IFT88: variants seen among roughly 807,000 people sequenced by gnomAD.
The protein encoded by IFT88 is intraflagellar transport protein 88 homolog.
A neutral mutation model predicts 119.5 loss-of-function variants in IFT88; 74 were observed. The observed-to-expected ratio is 0.62, with a 90% CI of 0.51 to 0.75. The LOEUF is 0.75. Among genes scored for constraint, IFT88 ranks in the 30% least tolerant of loss-of-function variants. The probability of loss-of-function intolerance (pLI) is 0.00; values close to 1 mark genes in which losing one functional copy is unlikely to be tolerated. For synonymous variants in IFT88, 279 were observed against 316.7 expected (o/e 0.88, Z 1.26); for missense variants, 961 against 977.7 (o/e 0.98, Z 0.23).
chr13:20,673,404 A>C (rs79467255), intron 24 of IFT88, among the ~76,000 whole-genome samples: 1,935 of 152,276 alleles, frequency 0.013, 41 homozygotes, highest in African/African-American at 0.045. Context: ...CCCAGGGGAC[A>C]GTGTCTGGGG....
intron 22 of IFT88, among the ~76,000 whole-genome samples, chr13:20,660,483 C>G (rs2053610379): frequency 6.6e-6 from 1 of 152,220 alleles, no homozygotes; most frequent in African/African-American, 2.4e-5. Flanking sequence ...TTAACTCAAG[C>G]TTCTGTACCT....
intron 17 of IFT88, among the ~76,000 whole-genome samples, chr13:20,640,563 T>C (rs2049751928): frequency 7.4e-6 from 1 of 134,782 alleles, no homozygotes; most frequent in Non-Finnish European, 1.6e-5. Context: ...ACAGAGCGAC[T>C]CCGTCTCAAA....
chr13:20,687,345 G>T (rs1182426548), intron 24 of IFT88, among the ~76,000 whole-genome samples: 1 of 152,156 alleles, frequency 6.6e-6, no homozygotes, highest in Non-Finnish European at 1.5e-5. Context: ...GAGCCAAACT[G>T]CTGAGCTTGG....
intron 13 of IFT88, among the ~76,000 whole-genome samples, chr13:20,606,943 G>C (rs911423553): frequency 6.6e-6 from 1 of 152,136 alleles, no homozygotes; most frequent in Non-Finnish European, 1.5e-5. Flanking sequence ...TAAGGACATT[G>C]AATGATGCTT....
intron 14 of IFT88, among the ~76,000 whole-genome samples, chr13:20,621,776 G>A (rs937597707): frequency 7.2e-5 from 11 of 152,000 alleles, no homozygotes; most frequent in African/African-American, 2.7e-4. Flanking sequence ...GTTTATGTTA[G>A]GATTCTTTGT....
In IFT88 at chr13:20,571,079, C is replaced by T. The variant is rs576056462; in HGVS notation, c.-6-3301C>T. On this transcript the variant is annotated intron_variant, in intron 1 of 25. Coordinates refer to ENST00000351808, the MANE Select transcript of IFT88 (RefSeq NM_006531.5). ...CACAATCTCGGCCCACTGCAACCTCCGCCTCCCAGGTTCAGGCCATTCTCC... is the reference window on the plus strand; with the variant it reads ...CACAATCTCGGCCCACTGCAACCTCTGCCTCCCAGGTTCAGGCCATTCTCC... Among the ~76,000 whole-genome samples, 30 of 152,206 alleles carry T rather than the reference C, an allele frequency of 2.0e-4. No individual in the cohort carries two copies. The East Asian group carries it at 4.3e-3, about 22-fold the overall frequency.
intron 13 of IFT88, among the ~76,000 whole-genome samples, chr13:20,611,514 C>CAAAAAAAA (rs56062553): frequency 3.4e-5 from 2 of 59,074 alleles, no homozygotes; most frequent in Non-Finnish European, 5.8e-5. Context: ...GACCCAGTCT[C>CAAAAAAAA]AAAAAAAAAA....
intron 3 of IFT88, among the ~76,000 whole-genome samples, chr13:20,584,591 G>GT (rs897398922): frequency 2.0e-5 from 3 of 151,966 alleles, no homozygotes; most frequent in African/African-American, 4.8e-5. Flanking sequence ...TGCTAGAGTA[G>GT]TTTTTTTCAG....
At chr13:20,607,875 C>T in intron 13 of IFT88, 1 of 712,914 alleles carries the variant, frequency 1.4e-6, no homozygotes, top group South Asian at 1.4e-5. Flanking sequence ...ACCCAGTCAC[C>T]AGCACCAATG....
intron 15 of IFT88, among the ~76,000 whole-genome samples, chr13:20,628,993 A>G (rs542218001): frequency 2.0e-5 from 3 of 151,598 alleles, no homozygotes; most frequent in Non-Finnish European, 4.4e-5. Flanking sequence ...GGACTATAAC[A>G]CTCCTTTTTT....
chr13:20,636,915 G>A (rs778662690), intron 16 of IFT88, among the ~76,000 whole-genome samples: 3 of 152,164 alleles, frequency 2.0e-5, no homozygotes, highest in Non-Finnish European at 4.4e-5. Flanking sequence ...AACAATGAAT[G>A]GATAAATGAA....
chr13:20,576,123 A>T (rs2037338947), intron 2 of IFT88, among the ~76,000 whole-genome samples: 2 of 152,358 alleles, frequency 1.3e-5, no homozygotes, highest in Non-Finnish European at 2.9e-5. Context: ...ATGGTCAATA[A>T]TGTTGAGCAC....
chr13:20,599,436 A>T lies in IFT88; in HGVS notation c.698-15A>T. 4 of 954,432 alleles carry T rather than the reference A, an allele frequency of 4.2e-6. No individual in the cohort carries two copies. The highest frequency in any genetic ancestry group is 1.5e-5 in the South Asian group (1 of 65,820). The allele number at this position is 954,432 out of a possible 1,614,324, so 59.1% of individuals were successfully genotyped here. ...AATGAGAGTATTATACATTCATTAA[A>T]TTTTTTTAAATTAGGAATATTGAAA... On this transcript the variant is annotated splice_polypyrimidine_tract_variant and intron_variant, in intron 10 of 25. Transcript: ENST00000351808.
At chr13:20,647,528 T>C (rs1594608768) in intron 20 of IFT88, among the ~76,000 whole-genome samples, 1 of 152,228 alleles carries the variant, frequency 6.6e-6, no homozygotes, top group Non-Finnish European at 1.5e-5. Context: ...TTTAATAATA[T>C]GATGTTTTGG....
At chr13:20,568,040 T>C in intron 1 of IFT88, 1 of 712,566 alleles carries the variant, frequency 1.4e-6, no homozygotes, top group Non-Finnish European at 2.6e-6. Context: ...AAGAATCTCA[T>C]AATGCTTCCA....
chr13:20,644,969 A>G lies in IFT88; in HGVS notation c.1949+11A>G, dbSNP rs1375806252. 3 of 1,267,750 alleles carry G rather than the reference A, an allele frequency of 2.4e-6. No homozygotes were observed. The highest frequency in any genetic ancestry group is 1.5e-5 in the African/African-American group (1 of 67,714). The allele number at this position is 1,267,750 out of a possible 1,614,324, so 78.5% of individuals were successfully genotyped here. ...AGCTTCTCTTATACAGTAAGTAATC[A>G]TTAGGATTTTATGTTTAGTTAATGT... is the stretch of plus-strand genomic sequence containing the variant. On this transcript the variant is annotated intron_variant, in intron 20 of 25. Transcript: ENST00000351808.
At chr13:20,653,264 C>G (rs921133063) in intron 20 of IFT88, among the ~76,000 whole-genome samples, 8 of 152,176 alleles carry the variant, frequency 5.3e-5, no homozygotes, top group African/African-American at 1.2e-4. Flanking sequence ...TTGAAGCCAT[C>G]AGGCTTCTAC....
rs2045515601 is a variant in IFT88, at chr13:20,615,807, A to G, written c.1127A>G (p.Glu376Gly). The G allele has an allele frequency of 1.3e-6, 2 of 1,599,388 alleles. No individual in the cohort carries two copies. The highest frequency in any genetic ancestry group is 4.5e-5 in the East Asian group (2 of 44,496). The change falls in exon 14 of 26, where the codon GAA (glutamate) becomes GGA (glycine). Residue 376 changes from glutamate (E) to glycine (G), a missense_variant. By Grantham distance (98) the Glu-to-Gly change is moderately conservative. Transcript: ENST00000351808. The stretch of plus-strand genomic sequence containing the variant: ...ATTTGATATAGGAAAGCCATGGCAG[A>G]AAAATATATTATGACATCTGCAAAA... ...QMERERKAMA[E>G]KYIMTSAKLI...
chr13:20,654,343 A>T (rs1243231694), intron 21 of IFT88, among the ~76,000 whole-genome samples: 1 of 152,186 alleles, frequency 6.6e-6, no homozygotes, highest in Non-Finnish European at 1.5e-5. Flanking sequence ...GTGTGACTAT[A>T]TGTTTTTTAT....
Sources: allele counts gnomAD v4.1 joint callset (sites outside exome capture counted in the v4.1 genomes callset), GRCh38; gene constraint gnomAD v4.1.1; transcripts MANE v1.5; gene names NCBI Gene and HGNC (gene_info 2026-07-23, HGNC 2026-07-21).